FHL3: variants seen among roughly 807,000 people sequenced by gnomAD.
FHL3 encodes four and a half LIM domains protein 3.
FHL3 carries 21 observed loss-of-function variants against 34.3 expected under a neutral mutation model. The ratio of observed to expected loss-of-function variants is 0.61; its 90% CI spans 0.43 to 0.88. The LOEUF is 0.88. Among genes scored for constraint, FHL3 ranks in the 40% least tolerant of loss-of-function variants. FHL3 has a pLI of 0.00. For missense variants in FHL3, 333 were observed against 373.7 expected (o/e 0.89, Z 0.90); for synonymous variants, 137 against 144.6 (o/e 0.95, Z 0.38).
chr1:37,998,076 T>C lies in FHL3; in HGVS notation c.388A>G (p.Ser130Gly), dbSNP rs1221754527. 1.2e-6 allele frequency: 2 copies of C among 1,614,116 alleles called. No homozygotes were observed. Among genetic ancestry groups the C allele is most frequent in the Admixed American group, 1.7e-5 (1 of 60,014 alleles). The change falls in exon 4 of 6, where the codon AGT (serine) becomes GGT (glycine). Residue 130 changes from serine to glycine, a missense_variant. Coordinates refer to ENST00000373016, the MANE Select transcript of FHL3 (RefSeq NM_004468.5). ...QTWHEHCFLC[S>G]GCEQPLGSRS... is the part of the protein sequence containing the mutation. ...GAGCCCAGTGGCTGTTCACAGCCAC[T>C]GCACAGGAAGCAGTGCTCATGCCAT... is the stretch of plus-strand genomic sequence containing the variant.
intron 1 of FHL3, among the ~76,000 whole-genome samples, chr1:38,003,443 A>G (rs1557764580): frequency 6.6e-6 from 1 of 152,160 alleles, no homozygotes; most frequent in Non-Finnish European, 1.5e-5. Flanking sequence ...GCATAGGCCC[A>G]GGGAGAGAAT....
rs1646563975 is a variant in FHL3, at chr1:37,998,949, A to G, written c.331+25T>C. 3 of 1,608,012 alleles carry G rather than the reference A, an allele frequency of 1.9e-6. No homozygotes were observed. The African/African-American group carries it at 4.0e-5, about 21-fold the overall frequency. The stretch of plus-strand genomic sequence containing the variant: ...ACCCTACGCAGATGCCAGTTCTCAC[A>G]CAAGATGAGCCCCTGAACACATACC... On this transcript the variant is annotated intron_variant, in intron 3 of 5. Coordinates refer to ENST00000373016, the MANE Select transcript of FHL3 (RefSeq NM_004468.5).
At chr1:38,001,313 A>C (rs1045348419) in intron 1 of FHL3, among the ~76,000 whole-genome samples, 1 of 152,214 alleles carries the variant, frequency 6.6e-6, no homozygotes, top group East Asian at 1.9e-4. Flanking sequence ...ACGGGGCAGC[A>C]GGGGGCCACA....
Position 38,001,015 on chromosome 1 carries a change from GACA to G in FHL3, c.-20-1586_-20-1584del, listed in dbSNP as rs1646588446. Among the ~76,000 whole-genome samples, 5 of 152,288 alleles carry G rather than the reference GACA, an allele frequency of 3.3e-5. No individual in the cohort carries two copies. The South Asian group carries it at 1.0e-3, about 32-fold the overall frequency. On this transcript the variant is annotated intron_variant, in intron 1 of 5. Coordinates refer to ENST00000373016, the MANE Select transcript of FHL3 (RefSeq NM_004468.5). ...CATCCACCCCCAGTGCGAAATTCTT[GACA>G]ACAAGCGCTGCTCTGGCTTGAAGTT... is the stretch of plus-strand genomic sequence containing the variant.
chr1:37,997,742 CA>C lies in FHL3; in HGVS notation c.629del (p.Val210GlyfsTer20). The C allele has an allele frequency of 1.9e-6, 3 of 1,614,170 alleles. No homozygotes were observed. Among genetic ancestry groups the C allele is most frequent in the Non-Finnish European group, 2.5e-6 (3 of 1,180,018 alleles). ...GTGCAAAGAGTTCTCCAAAACAGGC[CA>C]CACAGTAGGGATCTTCATCCCGGGA... Reference protein sequence around the residue: ...FTSRDEDPYCVACFGELFAPK... With the variant: ...FTSRDEDPYCXACFGELFAPK... On this transcript the variant is annotated frameshift_variant, in exon 5 of 6. Transcript: ENST00000373016. LOFTEE classifies it high-confidence loss of function. This position sits in a 1 kb window ranked among gnomAD's most constrained non-coding sequence, Gnocchi z 4.3.
Position 37,997,227 on chromosome 1 carries a change from T to G in FHL3, c.*178A>C. 2 of 656,794 alleles carry G rather than the reference T, an allele frequency of 3.0e-6. No individual in the cohort carries two copies. The highest frequency in any genetic ancestry group is 5.2e-6 in the Non-Finnish European group (2 of 380,990). 40.7% of individuals were successfully genotyped at this position (656,794 alleles called of 1,614,324 possible). ...ATGGAGGCTCTGTAAGAGCCCAGGT[T>G]TGGGGCCCTGGGTCAGGGAGTACCA... On this transcript the variant is annotated 3_prime_UTR_variant, in exon 6 of 6. Coordinates refer to ENST00000373016, the MANE Select transcript of FHL3 (RefSeq NM_004468.5). This position sits in a 1 kb window ranked among gnomAD's most constrained non-coding sequence, Gnocchi z 4.3.
At position 37,997,315 on chromosome 1, in the gene FHL3, C is replaced by CG. The variant is rs745379672; in HGVS notation, c.*89dup. 1.5e-5 allele frequency: 21 copies of CG among 1,403,814 alleles called. No individual in the cohort carries two copies. In the East Asian group the frequency reaches 4.1e-4, roughly 28 times the overall value. 87.0% of individuals were successfully genotyped at this position (1,403,814 alleles called of 1,614,324 possible). A position where few individuals can be genotyped will look rare whatever the true frequency, so the allele number is the denominator to read the frequency against. On this transcript the variant is annotated 3_prime_UTR_variant, in exon 6 of 6. Coordinates refer to ENST00000373016, the MANE Select transcript of FHL3 (RefSeq NM_004468.5). This position sits in a 1 kb window ranked among gnomAD's most constrained non-coding sequence, Gnocchi z 4.3. ...CCAGAAGGAGACCCATTTTTTTTGG[C>CG]GGGGGGAGCTGAGTCCCAGAGGTGG...
At chr1:38,004,239 C>G (rs1233984494) in intron 1 of FHL3, among the ~76,000 whole-genome samples, 1 of 152,000 alleles carries the variant, frequency 6.6e-6, no homozygotes, top group Non-Finnish European at 1.5e-5. Flanking sequence ...CCCTGGGTCC[C>G]CCAGGGCTGA....
rs766139864 is a variant in FHL3 at position 37,997,960 on chromosome 1, C to T, written c.501+3G>A. The stretch of plus-strand genomic sequence containing the variant: ...ACCCCCACCTGGCTGGCCCAGCCCC[C>T]ACCTTGCTGCAGCGGGCGCAGCGAG... On this transcript the variant is annotated splice_donor_region_variant and intron_variant, in intron 4 of 5. Coordinates refer to ENST00000373016, the MANE Select transcript of FHL3 (RefSeq NM_004468.5). The surrounding 1 kb of genome is among the most constrained non-coding windows in gnomAD (Gnocchi z 4.3). 6 of 1,613,758 alleles carry T rather than the reference C, an allele frequency of 3.7e-6. No individual in the cohort carries two copies. The South Asian group carries it at 5.5e-5, about 15-fold the overall frequency.
Position 37,999,140 on chromosome 1 carries a change from G to A in FHL3, c.165C>T (p.Phe55=), listed in dbSNP as rs935334177. The A allele has an allele frequency of 6.2e-7, 1 of 1,614,198 alleles. No individual in the cohort carries two copies. The highest frequency in any genetic ancestry group is 8.5e-7 in the Non-Finnish European group (1 of 1,180,036). The change falls in exon 3 of 6, where the codon TTC becomes TTT. Residue 55 remains phenylalanine (F), a synonymous_variant. Coordinates refer to ENST00000373016, the MANE Select transcript of FHL3 (RefSeq NM_004468.5). ...QLIGHDSREL[F]YEDRHFHEGC... ...CCTCGTGGAAATGGCGGTCTTCATA[G>A]AACAGCTCCTGTGGGGAACACAGCA...
At chr1:38,004,268 T>C (rs1646622330) in intron 1 of FHL3, among the ~76,000 whole-genome samples, 1 of 151,834 alleles carries the variant, frequency 6.6e-6, no homozygotes, top group African/African-American at 2.4e-5. Context: ...ATCCAAGATT[T>C]GAGTTCAAAA....
rs1286901981 is a variant in FHL3, at chr1:37,999,663, AGTT to A, written c.-20-234_-20-232del. Among the ~76,000 whole-genome samples, 4 of 152,260 alleles carry A rather than the reference AGTT, an allele frequency of 2.6e-5. No homozygotes were observed. The East Asian group carries it at 7.7e-4, about 29-fold the overall frequency. On this transcript the variant is annotated intron_variant, in intron 1 of 5. Transcript: ENST00000373016. ...GTCAGGAAAAAAACCAGGAAGCAGA[AGTT>A]GTTTTCTTATCTAGGCCCTAGCAGA...
At chr1:38,002,713 G>A (rs572943767) in intron 1 of FHL3, among the ~76,000 whole-genome samples, 72 of 150,962 alleles carry the variant, frequency 4.8e-4, no homozygotes, top group Middle Eastern at 3.4e-3. Context: ...GCTAATTTTT[G>A]TATTTTTAGT....
intron 1 of FHL3, among the ~76,000 whole-genome samples, chr1:37,999,643 G>A (rs4634868): frequency 0.27 from 40,533 of 151,998 alleles, 6,049 homozygotes; most frequent in African/African-American, 0.4. Context: ...AAGAGGTCAG[G>A]AAAAAAACCA....
At chr1:37,998,377 T>A (rs1201826798) in intron 3 of FHL3, among the ~76,000 whole-genome samples, 1 of 152,040 alleles carries the variant, frequency 6.6e-6, no homozygotes, top group African/African-American at 2.4e-5. Context: ...GTCCCAGAGA[T>A]GACAATTTCA....
At position 37,997,878 on chromosome 1, in the gene FHL3, G is replaced by T. The variant is rs767700327; in HGVS notation, c.502-8C>A. 1 of 1,613,598 alleles carries T rather than the reference G, an allele frequency of 6.2e-7. No homozygotes were observed. On this transcript the variant is annotated splice_polypyrimidine_tract_variant and splice_region_variant and intron_variant, in intron 4 of 5. Transcript: ENST00000373016. This position sits in a 1 kb window ranked among gnomAD's most constrained non-coding sequence, Gnocchi z 4.3. ...TCCACCCTGTGTCAGCGTCTGTGGG[G>T]GCAGCATCCATTAGTAGGTATGAGT...
At chr1:37,998,686 T>C (rs1570482358) in intron 3 of FHL3, 2 of 434,666 alleles carry the variant, frequency 4.6e-6, no homozygotes, top group East Asian at 8.2e-5. Flanking sequence ...TAAGACCCAA[T>C]GCAACAAGCA....
rs112651655 is a variant in FHL3, at chr1:37,997,562, G to A, written c.689-3C>T. On this transcript the variant is annotated splice_region_variant and splice_polypyrimidine_tract_variant and intron_variant, in intron 5 of 5. Transcript: ENST00000373016. This position sits in a 1 kb window ranked among gnomAD's most constrained non-coding sequence, Gnocchi z 4.3. ...CACATACTTGCCTCCACCGAGTCCT[G>A]GAGGGAGGCTGGAAGTTAGCTATGC... 6.2e-7 allele frequency: 1 copy of A among 1,613,768 alleles called. No individual in the cohort carries two copies. Among genetic ancestry groups the A allele is most frequent in the South Asian group, 1.1e-5 (1 of 91,066 alleles).
chr1:38,002,669 T>TA (rs1366679763), intron 1 of FHL3, among the ~76,000 whole-genome samples: 1 of 151,604 alleles, frequency 6.6e-6, no homozygotes, highest in Non-Finnish European at 1.5e-5. Context: ...GCCTCCCAAG[T>TA]AGCTGGGATT....
Sources: gnomAD v4.1 joint callset for allele counts (sites outside exome capture counted in the v4.1 genomes callset) on GRCh38, gnomAD v4.1.1 for gene constraint, Gnocchi (gnomAD v3.1) non-coding constraint, MANE v1.5 for transcripts, NCBI Gene and HGNC (gene_info 2026-07-23, HGNC 2026-07-21) for gene names.